Variants in PTBP2 observed in about 807,000 individuals in gnomAD.
PTBP2 encodes polypyrimidine tract-binding protein 2.
A neutral mutation model predicts 61.4 loss-of-function variants in PTBP2; 13 were observed. The ratio of observed to expected loss-of-function variants is 0.21; its 90% CI spans 0.14 to 0.34. The LOEUF is 0.34. Among genes scored for constraint, PTBP2 ranks in the 10% least tolerant of loss-of-function variants. PTBP2 has a pLI of 1.00. For synonymous variants in PTBP2, 215 were observed against 218.5 expected (o/e 0.98, Z 0.14); for missense variants, 405 against 642.6 (o/e 0.63, Z 4.00).
intron 8 of PTBP2, among the ~76,000 whole-genome samples, chr1:96,786,340 A>G (rs576113340): frequency 6.6e-6 from 1 of 152,124 alleles, no homozygotes; most frequent in African/African-American, 2.4e-5. Context: ...CTGACCCTTT[A>G]TTCGAATTTT....
At chr1:96,749,803 C>G (rs554026400) in intron 2 of PTBP2, 3 of 347,854 alleles carry the variant, frequency 8.6e-6, no homozygotes, top group South Asian at 2.2e-5. Context: ...AATCACTGTT[C>G]GTGTATAATT....
intron 8 of PTBP2, among the ~76,000 whole-genome samples, chr1:96,785,560 A>G (rs1478750379): frequency 1.3e-5 from 2 of 152,222 alleles, no homozygotes; most frequent in Non-Finnish European, 2.9e-5. Context: ...TCTTAATGCC[A>G]TATTTACACT....
intron 2 of PTBP2, among the ~76,000 whole-genome samples, chr1:96,738,647 T>C (rs2088251): frequency 0.56 from 85,202 of 151,996 alleles, 24,207 homozygotes; most frequent in East Asian, 0.65. Flanking sequence ...GATAATAATT[T>C]CTAACTTGCA....
Position 96,813,073 on chromosome 1 carries a change from C to G in PTBP2, c.1433C>G (p.Thr478Ser). The part of the protein sequence containing the change: ...EEDLRTLFAN[T>S]GGTVKAFKFF... Reference sequence around the variant, plus strand: ...GATCTACGAACACTGTTCGCTAACACTGGGGGCACTGTGAAAGCATTTAAG... The same window carrying G: ...GATCTACGAACACTGTTCGCTAACAGTGGGGGCACTGTGAAAGCATTTAAG... The change falls in exon 13 of 14, where the codon ACT (threonine) becomes AGT (serine). Residue 478 changes from threonine to serine, a missense_variant. Thr to Ser is a moderately conservative substitution (Grantham distance 58, BLOSUM62 1). Around this residue, in one of 4 missense-constraint regions of PTBP2, gnomAD observed 24 missense variants for 27.7 expected, o/e 0.87. Coordinates refer to ENST00000674951, the MANE Select transcript of PTBP2 (RefSeq NM_021190.4). 1.2e-6 allele frequency: 2 copies of G among 1,613,186 alleles called. No individual in the cohort carries two copies. The highest frequency in any genetic ancestry group is 1.7e-6 in the Non-Finnish European group (2 of 1,179,426).
intron 2 of PTBP2, among the ~76,000 whole-genome samples, chr1:96,747,385 C>CT (rs1653976145): frequency 6.6e-6 from 1 of 151,902 alleles, no homozygotes. Context: ...GTTCAGTTTT[C>CT]TTGTGTCTTA....
intron 11 of PTBP2, among the ~76,000 whole-genome samples, chr1:96,809,109 T>A (rs1354927110): frequency 2.0e-5 from 3 of 152,186 alleles, no homozygotes; most frequent in Non-Finnish European, 4.4e-5. Flanking sequence ...GTGTGCCTAG[T>A]GAAATAGCCT....
At chr1:96,771,673 A>G (rs542958146) in intron 5 of PTBP2, among the ~76,000 whole-genome samples, 1 of 152,274 alleles carries the variant, frequency 6.6e-6, no homozygotes, top group African/African-American at 2.4e-5. Flanking sequence ...ATCAAGAGGA[A>G]GAATACCAAA....
chr1:96,783,381 T>A (rs912373512), intron 7 of PTBP2, among the ~76,000 whole-genome samples: 4 of 152,034 alleles, frequency 2.6e-5, no homozygotes, highest in African/African-American at 7.2e-5. Flanking sequence ...TTTTTGTTTT[T>A]AATGTTCAGA....
At chr1:96,811,419 GT>G (rs1662071670) in intron 11 of PTBP2, among the ~76,000 whole-genome samples, 1 of 151,640 alleles carries the variant, frequency 6.6e-6, no homozygotes, top group African/African-American at 2.4e-5. Context: ...TTTTTTGTTG[GT>G]TTTTGTTTTT....
chr1:96,819,007 TATA>T (rs1373685133), downstream of PTBP2: 1 of 152,044 alleles, frequency 6.6e-6, no homozygotes, highest in African/African-American at 2.4e-5. Context: ...GTTGATAGCT[TATA>T]ATAGAAATCA....
intron 8 of PTBP2, among the ~76,000 whole-genome samples, chr1:96,802,474 A>G (rs1004907369): frequency 6.6e-6 from 1 of 152,176 alleles, no homozygotes; most frequent in African/African-American, 2.4e-5. Context: ...TTGGTAACTA[A>G]TTATAATTCC....
At chr1:96,722,016 C>A in intron 1 of PTBP2, 144 bp downstream of exon 1, 2 of 1,082,590 alleles carry the variant, frequency 1.8e-6, no homozygotes, top group Non-Finnish European at 2.7e-6. Flanking sequence ...ATCGCACACA[C>A]CCCTCCCTTT....
intron 3 of PTBP2, among the ~76,000 whole-genome samples, chr1:96,760,952 T>C (rs1296320336): frequency 2.6e-5 from 4 of 152,204 alleles, no homozygotes; most frequent in African/African-American, 9.7e-5. Context: ...TATAGTATAT[T>C]ACTACTTACT....
At chr1:96,760,609 C>A (rs189328795) in intron 3 of PTBP2, among the ~76,000 whole-genome samples, 147 of 152,072 alleles carry the variant, frequency 9.7e-4, no homozygotes, top group Non-Finnish European at 1.5e-3. Flanking sequence ...CCACACCCGG[C>A]TAATTTTTTG....
At chr1:96,756,173 C>T (rs6703074) in intron 3 of PTBP2, among the ~76,000 whole-genome samples, 6,867 of 152,190 alleles carry the variant, frequency 0.045, 480 homozygotes, top group African/African-American at 0.15. Context: ...CCAAGGCAGG[C>T]GGATCACCTG....
chr1:96,818,874 A>T (rs1662578130), downstream of PTBP2: 2 of 152,066 alleles, frequency 1.3e-5, no homozygotes, highest in African/African-American at 4.8e-5. Flanking sequence ...CAACATATTT[A>T]TTGTAACTTA....
At chr1:96,815,649 TAAA>T (rs1244213821), downstream of PTBP2, 3 of 152,194 alleles carry the variant, frequency 2.0e-5, no homozygotes, top group East Asian at 3.9e-4. Context: ...CATAGGATAA[TAAA>T]AAGTAAATGA....
intron 3 of PTBP2, among the ~76,000 whole-genome samples, chr1:96,769,316 T>A (rs1657119904): frequency 6.6e-6 from 1 of 152,014 alleles, no homozygotes; most frequent in South Asian, 2.1e-4. Flanking sequence ...TATTATAATC[T>A]TATGGGACCA....
At chr1:96,744,397 A>C (rs1240275751) in intron 2 of PTBP2, among the ~76,000 whole-genome samples, 1 of 152,130 alleles carries the variant, frequency 6.6e-6, no homozygotes, top group Non-Finnish European at 1.5e-5. Context: ...CTGGGGAGAA[A>C]GATTATAGTC....
Sources: allele counts gnomAD v4.1 joint callset (sites outside exome capture counted in the v4.1 genomes callset), GRCh38; gene constraint gnomAD v4.1.1; regional missense constraint gnomAD v4.1.1; transcripts MANE v1.5; gene names NCBI Gene and HGNC (gene_info 2026-07-23, HGNC 2026-07-21).